The following LAMTOR3 variants were observed in gnomAD, a reference collection of about 807,000 sequenced individuals.
LAMTOR3 encodes the protein ragulator complex protein LAMTOR3.
In LAMTOR3, 14 loss-of-function variants were observed where a neutral mutation model predicts 20.3. The observed-to-expected ratio is 0.69, with a 90% CI of 0.46 to 1.08. The LOEUF (loss-of-function observed/expected upper bound fraction) is 1.08. LAMTOR3 is among the 50% of genes least tolerant of loss of function. The pLI is 0.00. For synonymous variants in LAMTOR3, 40 were observed against 49.4 expected (o/e 0.81, Z 0.80); for missense variants, 125 against 143.7 (o/e 0.87, Z 0.67).
chr4:99,889,344 A>ATT (rs1724983226), intron 3 of LAMTOR3, among the ~76,000 whole-genome samples: 2 of 152,220 alleles, frequency 1.3e-5, no homozygotes, highest in African/African-American at 4.8e-5. Context: ...GAAACAGTAA[A>ATT]GCATTACAAA....
At chr4:99,885,461 T>C in intron 5 of LAMTOR3, 81 bp downstream of exon 5, 2 of 1,247,294 alleles carry the variant, frequency 1.6e-6, no homozygotes, top group Non-Finnish European at 2.2e-6. Flanking sequence ...TTGAGAACTA[T>C]AACACAAACT....
intron 3 of LAMTOR3, 91 bp downstream of exon 3, chr4:99,891,909 C>G (rs561899713): frequency 6.7e-6 from 10 of 1,496,246 alleles, no homozygotes; most frequent in Middle Eastern, 2.2e-4. Flanking sequence ...CTCAGAGATA[C>G]TTCACAACAT....
In LAMTOR3 at chr4:99,882,008, C is replaced by A. The variant is rs775405019; in HGVS notation, c.361G>T (p.Val121Leu). The change falls in exon 7 of 7, where the codon GTG (valine) becomes TTG (leucine). Residue 121 changes from valine to leucine, a missense_variant. This residue lies in a region of LAMTOR3 where 22 missense variants were observed against 31.2 expected (regional missense o/e 0.70). Transcript: ENST00000499666. ...APLFEELRQV[V>L]EVS ...CCACTGTCAGATTAAGAAACTTCCA[C>A]AACTTGTCTCAGTTCTTCAAACAAT... The A allele has an allele frequency of 1.2e-6, 2 of 1,603,908 alleles. No homozygotes were observed. Among genetic ancestry groups the A allele is most frequent in the South Asian group, 1.1e-5 (1 of 89,604 alleles).
intron 5 of LAMTOR3, among the ~76,000 whole-genome samples, chr4:99,884,907 G>C (rs922022142): frequency 1.3e-5 from 2 of 151,966 alleles, no homozygotes; most frequent in Admixed American, 6.6e-5. Flanking sequence ...GGAGGCTGCA[G>C]TGAGCTGAGA....
intron 3 of LAMTOR3, among the ~76,000 whole-genome samples, chr4:99,887,848 C>T (rs377168752): frequency 2.6e-5 from 4 of 152,070 alleles, no homozygotes; most frequent in South Asian, 2.1e-4. Flanking sequence ...CAATAACAAA[C>T]GTAAAACTAA....
chr4:99,892,460 A>G (rs973919081), intron 2 of LAMTOR3, among the ~76,000 whole-genome samples: 1 of 152,180 alleles, frequency 6.6e-6, no homozygotes, highest in African/African-American at 2.4e-5. Flanking sequence ...ACTTTCCACC[A>G]TCATCTTAAT....
At chr4:99,886,244 C>T (rs774443399) in intron 4 of LAMTOR3, among the ~76,000 whole-genome samples, 3 of 152,118 alleles carry the variant, frequency 2.0e-5, no homozygotes, top group Non-Finnish European at 2.9e-5. Context: ...TCCCTCATTA[C>T]GGAATTAAGA....
intron 3 of LAMTOR3, among the ~76,000 whole-genome samples, chr4:99,887,670 T>C (rs192462757): frequency 1.6e-4 from 25 of 152,318 alleles, no homozygotes; most frequent in African/African-American, 4.6e-4. Flanking sequence ...GCAGGGGCTA[T>C]AGTGACAAAA....
In LAMTOR3 at chr4:99,879,011, C is replaced by A. The variant is rs566786623; in HGVS notation, c.*2983G>T. 1.3e-5 allele frequency: 2 copies of A among 152,066 alleles called. No homozygotes were observed. The highest frequency in any genetic ancestry group is 2.9e-5 in the Non-Finnish European group (2 of 68,018). 9.4% of individuals were successfully genotyped at this position (152,066 alleles called of 1,614,324 possible). A position where few individuals can be genotyped will look rare whatever the true frequency, so the allele number is the denominator to read the frequency against. ...AATTTCTAGAAGTGGAATTGCAGGG[C>A]AAAAGGTTATGTATATGAATTTAAA... On this transcript the variant is annotated 3_prime_UTR_variant, in exon 7 of 7. Transcript: ENST00000499666.
intron 5 of LAMTOR3, 27 bp downstream of exon 5, chr4:99,885,515 C>T: frequency 6.4e-7 from 1 of 1,557,340 alleles, no homozygotes; most frequent in East Asian, 2.3e-5. Context: ...CTGAAATCAG[C>T]AAATCATTTT....
At chr4:99,883,010 G>T (rs1273070624) in intron 6 of LAMTOR3, among the ~76,000 whole-genome samples, 1 of 151,960 alleles carries the variant, frequency 6.6e-6, no homozygotes, top group East Asian at 1.9e-4. Flanking sequence ...CAAGGAAAGG[G>T]TCCAAGTACT....
At chr4:99,888,696 A>T (rs1578203691) in intron 3 of LAMTOR3, among the ~76,000 whole-genome samples, 2 of 152,342 alleles carry the variant, frequency 1.3e-5, no homozygotes, top group African/African-American at 4.8e-5. Flanking sequence ...TAAATTTTTT[A>T]AAATCCCATT....
At chr4:99,892,818 A>G (rs1725046635) in intron 2 of LAMTOR3, among the ~76,000 whole-genome samples, 1 of 151,744 alleles carries the variant, frequency 6.6e-6, no homozygotes, top group African/African-American at 2.4e-5. Flanking sequence ...AGCTGGGATT[A>G]CAAGCACCTG....
At chr4:99,893,413 CTT>C (rs1353076959) in intron 2 of LAMTOR3, among the ~76,000 whole-genome samples, 2 of 152,146 alleles carry the variant, frequency 1.3e-5, no homozygotes, top group African/African-American at 2.4e-5. Flanking sequence ...TCAGGTATCT[CTT>C]GTTTTGAGCA....
At chr4:99,885,746 T>G (rs1048771836) in intron 4 of LAMTOR3, 71 bp from the exon 5 acceptor site, 2 of 1,276,806 alleles carry the variant, frequency 1.6e-6, no homozygotes, top group Admixed American at 4.7e-5. Context: ...CCCTTTTTTT[T>G]CATAAACCTC....
intron 2 of LAMTOR3, 72 bp downstream of exon 2, chr4:99,893,883 A>C: frequency 8.0e-7 from 1 of 1,246,756 alleles, no homozygotes; most frequent in Non-Finnish European, 1.1e-6. Flanking sequence ...GGGAAGTTCT[A>C]CCTCTCCCCG....
At chr4:99,892,911 C>G (rs1264347563) in intron 2 of LAMTOR3, among the ~76,000 whole-genome samples, 1 of 152,132 alleles carries the variant, frequency 6.6e-6, no homozygotes, top group Non-Finnish European at 1.5e-5. Flanking sequence ...AACTCCTGAC[C>G]TCAGGTGATC....
intron 3 of LAMTOR3, among the ~76,000 whole-genome samples, chr4:99,891,692 G>T (rs1021202117): frequency 6.6e-6 from 1 of 152,140 alleles, no homozygotes; most frequent in Non-Finnish European, 1.5e-5. Context: ...TAATAATGCT[G>T]AAATTTCAAA....
At position 99,881,484 on chromosome 4, in the gene LAMTOR3, A is replaced by G. The variant is rs949424230; in HGVS notation, c.*510T>C. 1.3e-5 allele frequency: 2 copies of G among 152,958 alleles called. No individual in the cohort carries two copies. The highest frequency in any genetic ancestry group is 2.4e-5 in the African/African-American group (1 of 41,474). The allele number at this position is 152,958 out of a possible 1,614,324, so 9.5% of individuals were successfully genotyped here. On this transcript the variant is annotated 3_prime_UTR_variant, in exon 7 of 7. Transcript: ENST00000499666. ...TACTGCAAAATAATATGTACAAAGGAAAGTTAGTGATTGTACTGATTTTAT... is the reference window on the plus strand; with the variant it reads ...TACTGCAAAATAATATGTACAAAGGGAAGTTAGTGATTGTACTGATTTTAT...
Sources: gnomAD v4.1 joint callset for allele counts (sites outside exome capture counted in the v4.1 genomes callset) on GRCh38, gnomAD v4.1.1 for gene constraint, gnomAD v4.1.1 regional missense constraint, MANE v1.5 for transcripts, NCBI Gene and HGNC (gene_info 2026-07-23, HGNC 2026-07-21) for gene names.